SLC12A1: variants seen among roughly 807,000 people sequenced by gnomAD.
SLC12A1 encodes solute carrier family 12 member 1, also known as Na-K-2Cl cotransporter.
A neutral mutation model predicts 130.4 loss-of-function variants in SLC12A1; 89 were observed. That is an observed-to-expected ratio of 0.68 (90% CI 0.58 to 0.81). The LOEUF is 0.81. Ranked by LOEUF, SLC12A1 falls within the 40% of genes least tolerant of loss-of-function variation. The pLI is 0.00. For synonymous variants in SLC12A1, 499 were observed against 460.0 expected, an observed-to-expected ratio of 1.08 and a Z score of -1.09; for missense variants, 1,310 against 1,336.4, an observed-to-expected ratio of 0.98 and a Z score of 0.31.
chr15:48,298,653 A>T (rs1334236491), intron 24 of SLC12A1, among the ~76,000 whole-genome samples: 1 of 152,236 alleles, frequency 6.6e-6, no homozygotes, highest in Non-Finnish European at 1.5e-5. Context: ...GCCTCCTGCC[A>T]TGAGTGGGAG....
At chr15:48,253,005 G>A (rs1566842229) in intron 15 of SLC12A1, among the ~76,000 whole-genome samples, 3 of 152,130 alleles carry the variant, frequency 2.0e-5, no homozygotes, top group African/African-American at 7.2e-5. Context: ...TAAACAATTG[G>A]ATCTGAACTT....
At chr15:48,209,951 T>G (rs1334700043) in intron 2 of SLC12A1, among the ~76,000 whole-genome samples, 2 of 152,236 alleles carry the variant, frequency 1.3e-5, no homozygotes, top group Admixed American at 1.3e-4. Flanking sequence ...TCTGGCATAT[T>G]TGATGCTTTA....
At position 48,251,595 on chromosome 15, in the gene SLC12A1, T is replaced by G. The variant is rs1465452226; in HGVS notation, c.1787-20T>G. The G allele has an allele frequency of 6.2e-7, 1 of 1,604,220 alleles. No homozygotes were observed. Among genetic ancestry groups the G allele is most frequent in the Non-Finnish European group, 8.5e-7 (1 of 1,171,076 alleles). On this transcript the variant is annotated intron_variant, in intron 14 of 26. Transcript: ENST00000380993. ...ATCATAGTAGAGTGGAAGTTTTCCT[T>G]CTGCATATTTTGTTTTCAGGATGGA...
At chr15:48,248,004 G>T (rs2041603272) in intron 13 of SLC12A1, among the ~76,000 whole-genome samples, 1 of 152,182 alleles carries the variant, frequency 6.6e-6, no homozygotes, top group Admixed American at 6.5e-5. Flanking sequence ...TATAATCTTG[G>T]CTTCCTCTCC....
chr15:48,299,985 C>A (rs2042215470), intron 25 of SLC12A1, among the ~76,000 whole-genome samples: 6 of 152,162 alleles, frequency 3.9e-5, no homozygotes, highest in Admixed American at 3.9e-4. Context: ...CACTCAAGCG[C>A]TGCTAATCTC....
Position 48,251,765 on chromosome 15 carries a change from AG to A in SLC12A1, c.1938del (p.Lys646AsnfsTer4). 1 of 1,613,748 alleles carries A rather than the reference AG, an allele frequency of 6.2e-7. No homozygotes were observed. The highest frequency in any genetic ancestry group is 8.5e-7 in the Non-Finnish European group (1 of 1,179,720). The stretch of plus-strand genomic sequence containing the variant: ...CTTTACGTCTATGTGACTTGTAAGA[AG>A]CCAGGTAAGATAATGACTGTCTGGA... ...FFLYVYVTCK[K>X]PDVNWGSSTQ... On this transcript the variant is annotated frameshift_variant, in exon 15 of 27. Coordinates refer to ENST00000380993, the MANE Select transcript of SLC12A1 (RefSeq NM_000338.3). LOFTEE classifies it high-confidence loss of function.
At chr15:48,301,511 G>GGGGT in intron 26 of SLC12A1, 129 bp downstream of exon 26, 1 of 478,136 alleles carries the variant, frequency 2.1e-6, no homozygotes, top group Non-Finnish European at 3.5e-6. Context: ...TTGGGGGGGG[G>GGGGT]AACACGTGGG....
chr15:48,215,064 C>T (rs897687972), intron 2 of SLC12A1, among the ~76,000 whole-genome samples: 6 of 151,402 alleles, frequency 4.0e-5, no homozygotes, highest in Admixed American at 1.3e-4. Context: ...TTTATTTTCC[C>T]TGCTTTGATG....
At position 48,269,762 on chromosome 15, in the gene SLC12A1, A is replaced by G. The variant is rs1198608651; in HGVS notation, c.2400A>G (p.Ile800Met). ...LTEIENYVGI[I>M]HDAFDFEIGV... is the part of the protein sequence containing the mutation. Reference sequence around the variant, plus strand: ...AGATTGAGAACTACGTGGGAATCATACAGTAAGTGATGGCTTTCAAGACGT... The same window carrying G: ...AGATTGAGAACTACGTGGGAATCATGCAGTAAGTGATGGCTTTCAAGACGT... Residue 800 changes from isoleucine to methionine, a missense_variant and splice_region_variant, in exon 19 of 27, where the codon ATA becomes ATG. By Grantham distance (10) the Ile-to-Met change is conservative (BLOSUM62 1). Coordinates refer to ENST00000380993, the MANE Select transcript of SLC12A1 (RefSeq NM_000338.3). 3.2e-6 allele frequency: 5 copies of G among 1,551,790 alleles called. No individual in the cohort carries two copies. The South Asian group carries it at 5.6e-5, about 17-fold the overall frequency.
chr15:48,229,226 C>T lies in SLC12A1; in HGVS notation c.762C>T (p.Pro254=), dbSNP rs764800882. The T allele has an allele frequency of 2.4e-5, 38 of 1,591,726 alleles. No homozygotes were observed. The highest frequency in any genetic ancestry group is 1.8e-4 in the East Asian group (8 of 44,266). The change falls in exon 6 of 27, where the codon CCC becomes CCT. Residue 254 remains proline (P), a synonymous_variant. Coordinates refer to ENST00000380993, the MANE Select transcript of SLC12A1 (RefSeq NM_000338.3). ...ATCTTATTTCCAGAAGTTTAGGGCC[C>T]GAGTTCGGTGGGTCAATAGGCCTGA... ...AYYLISRSLG[P]EFGGSIGLIF...
intron 26 of SLC12A1, among the ~76,000 whole-genome samples, chr15:48,302,353 G>A (rs919168125): frequency 7.9e-5 from 12 of 151,876 alleles, no homozygotes; most frequent in Non-Finnish European, 1.5e-4. Context: ...GGGCGCGGTG[G>A]CTCACGCCTG....
chr15:48,210,956 G>T (rs2041045632), intron 2 of SLC12A1, among the ~76,000 whole-genome samples: 1 of 151,996 alleles, frequency 6.6e-6, no homozygotes, highest in Admixed American at 6.6e-5. Flanking sequence ...TTGGAATATT[G>T]TATCACTTTT....
In SLC12A1 at chr15:48,226,256, G is replaced by A. The variant is rs777392137; in HGVS notation, c.629-220G>A. On this transcript the variant is annotated intron_variant, in intron 4 of 26. Coordinates refer to ENST00000380993, the MANE Select transcript of SLC12A1 (RefSeq NM_000338.3). ...TTTTCCTTTCCAAGTCTGCACTTTC[G>A]ATTGTGTTTACTTTTGGAAACCATC... The A allele has an allele frequency of 1.3e-5, 6 of 467,056 alleles. No homozygotes were observed. In the Admixed American group the frequency reaches 1.3e-4, roughly 10 times the overall value. 28.9% of individuals were successfully genotyped at this position (467,056 alleles called of 1,614,324 possible). A position where few individuals can be genotyped will look rare whatever the true frequency, so the allele number is the denominator to read the frequency against.
intron 2 of SLC12A1, among the ~76,000 whole-genome samples, chr15:48,215,585 AC>A (rs1355297645): frequency 2.0e-5 from 3 of 152,152 alleles, no homozygotes; most frequent in Non-Finnish European, 4.4e-5. Flanking sequence ...AAGAACATGA[AC>A]CAGCTGGGAG....
chr15:48,269,814 G>A (rs911934266), intron 19 of SLC12A1, 50 bp downstream of exon 19: 2 of 1,020,782 alleles, frequency 2.0e-6, no homozygotes, highest in Non-Finnish European at 1.5e-6. Context: ...CACTAAGCAG[G>A]GCAGTACATA....
chr15:48,259,397 T>G lies in SLC12A1; in HGVS notation c.2154+86T>G, dbSNP rs17428448. On this transcript the variant is annotated intron_variant, in intron 17 of 26. Coordinates refer to ENST00000380993, the MANE Select transcript of SLC12A1 (RefSeq NM_000338.3). ...GGGTGAGGAGAAAAGGTACATGCAGTGACAGGAAAATAGCAAAAAAACAGT... is the reference window on the plus strand; with the variant it reads ...GGGTGAGGAGAAAAGGTACATGCAGGGACAGGAAAATAGCAAAAAAACAGT... The G allele has an allele frequency of 5.4e-3, 5,071 of 932,660 alleles. 23 individuals are homozygous for G. Among genetic ancestry groups the G allele is most frequent in the Non-Finnish European group, 7.0e-3 (3,925 of 559,402 alleles). The allele number at this position is 932,660 out of a possible 1,614,324, so 57.8% of individuals were successfully genotyped here.
rs1469320870 is a variant in SLC12A1 at position 48,229,322 on chromosome 15, T to A, written c.858T>A (p.Leu286=). 3 of 1,597,030 alleles carry A rather than the reference T, an allele frequency of 1.9e-6. No individual in the cohort carries two copies. The highest frequency in any genetic ancestry group is 2.6e-6 in the Non-Finnish European group (3 of 1,171,072). ...VVGFAETVVD[L]LKESDSMMVD... is the part of the protein sequence containing the mutation. ...GATTTGCTGAGACTGTAGTAGATCT[T>A]CTTAAGGTAATTAAAAGCTTTTCTT... Residue 286 remains leucine, a synonymous_variant, in exon 6 of 27, where the codon CTT becomes CTA. Transcript: ENST00000380993.
In SLC12A1 at chr15:48,251,693, T is replaced by A; in HGVS notation, c.1865T>A (p.Val622Asp). The change falls in exon 15 of 27, where the codon GTC becomes GAC. Residue 622 changes from valine to aspartate, a missense_variant. By Grantham distance (152) the Val-to-Asp change is radical. Transcript: ENST00000380993. ...GTTTTGTGCTGTGCAGTCATGTTTG[T>A]CATCAACTGGTGGGCAGCTGTCATC... ...GAVLCCAVMF[V>D]INWWAAVITY... The A allele has an allele frequency of 6.2e-7, 1 of 1,613,746 alleles. No homozygotes were observed. Among genetic ancestry groups the A allele is most frequent in the Non-Finnish European group, 8.5e-7 (1 of 1,179,634 alleles).
At chr15:48,243,778 T>C (rs985451799) in intron 10 of SLC12A1, among the ~76,000 whole-genome samples, 1 of 152,210 alleles carries the variant, frequency 6.6e-6, no homozygotes, top group African/African-American at 2.4e-5. Context: ...GGACCTGTCT[T>C]AAAGGTATTA....
Sources: gnomAD v4.1 joint callset for allele counts (sites outside exome capture counted in the v4.1 genomes callset) on GRCh38, gnomAD v4.1.1 for gene constraint, MANE v1.5 for transcripts, NCBI Gene and HGNC (gene_info 2026-07-23, HGNC 2026-07-21) for gene names.